Variants in GMDS observed in about 807,000 individuals in gnomAD.
The protein encoded by GMDS is GDP-mannose 4,6 dehydratase.
A neutral mutation model predicts 49.9 loss-of-function variants in GMDS; 20 were observed. The ratio of observed to expected loss-of-function variants is 0.40; its 90% CI spans 0.28 to 0.58. The LOEUF (loss-of-function observed/expected upper bound fraction) is 0.58, where lower values mean the gene tolerates loss of function less well. Ranked by LOEUF, GMDS falls within the 20% of genes least tolerant of loss-of-function variation. GMDS has a pLI of 0.42. For missense variants in GMDS, 362 were observed against 481.4 expected (o/e 0.75, Z 2.32); for synonymous variants, 177 against 178.6 (o/e 0.99, Z 0.07).
chr6:2,068,242 A>C (rs563530290), intron 4 of GMDS, among the ~76,000 whole-genome samples: 413 of 152,274 alleles, frequency 2.7e-3, no homozygotes, highest in African/African-American at 9.7e-3. Context: ...CTCCCAATAA[A>C]TTAGGTATTG....
chr6:1,718,250 G>A (rs1256416487), intron 9 of GMDS, among the ~76,000 whole-genome samples: 1 of 152,016 alleles, frequency 6.6e-6, no homozygotes, highest in Non-Finnish European at 1.5e-5. Flanking sequence ...CTCTACACTA[G>A]GCCTCCAGCT....
At chr6:2,209,287 G>A (rs1779951937) in intron 1 of GMDS, among the ~76,000 whole-genome samples, 1 of 152,202 alleles carries the variant, frequency 6.6e-6, no homozygotes, top group South Asian at 2.1e-4. Flanking sequence ...TACATACTGT[G>A]GGGGTAGAGG....
intron 6 of GMDS, among the ~76,000 whole-genome samples, chr6:1,942,755 G>A (rs146226338): frequency 6.6e-6 from 1 of 152,292 alleles, no homozygotes; most frequent in Non-Finnish European, 1.5e-5. Context: ...GGACGTTCCT[G>A]CCATTCCCAT....
In GMDS at chr6:2,156,018, T is replaced by C. The variant is rs1777095601; in HGVS notation, c.103-31287A>G. Reference sequence around the variant, plus strand: ...TTTTTACATTTATTAGACTTGACTATTAGGGTTACTTTTTTTAATGATTCC... The same window carrying C: ...TTTTTACATTTATTAGACTTGACTACTAGGGTTACTTTTTTTAATGATTCC... On this transcript the variant is annotated intron_variant, in intron 1 of 10. Transcript: ENST00000380815. Among the ~76,000 whole-genome samples, 6 of 152,158 alleles carry C rather than the reference T, an allele frequency of 3.9e-5. No homozygotes were observed. In the South Asian group the frequency reaches 1.2e-3, roughly 32 times the overall value.
intron 4 of GMDS, among the ~76,000 whole-genome samples, chr6:2,064,676 C>A (rs914368470): frequency 6.6e-6 from 1 of 152,120 alleles, no homozygotes; most frequent in Non-Finnish European, 1.5e-5. Context: ...TTACACTTCC[C>A]GACACAAGGC....
At chr6:1,914,466 CAAA>C (rs551319674) in intron 7 of GMDS, among the ~76,000 whole-genome samples, 4 of 104,246 alleles carry the variant, frequency 3.8e-5, no homozygotes, top group Non-Finnish European at 2.1e-5. Context: ...GACTCTGTCT[CAAA>C]AAAAAAAAAA....
intron 1 of GMDS, among the ~76,000 whole-genome samples, chr6:2,144,447 G>A (rs149298605): frequency 1.9e-4 from 29 of 152,332 alleles, no homozygotes; most frequent in Non-Finnish European, 3.5e-4. Context: ...AACAAGGCGG[G>A]GCAGGGTGAA....
At chr6:1,810,443 T>C (rs1158445660) in intron 7 of GMDS, among the ~76,000 whole-genome samples, 1 of 152,028 alleles carries the variant, frequency 6.6e-6, no homozygotes, top group Non-Finnish European at 1.5e-5. Flanking sequence ...CCACCACACC[T>C]GGCTAATTTT....
chr6:1,772,152 C>T (rs566630541), intron 7 of GMDS, among the ~76,000 whole-genome samples: 2 of 152,258 alleles, frequency 1.3e-5, no homozygotes, highest in Admixed American at 1.3e-4. Flanking sequence ...ATGCTATTTT[C>T]AGTTACTGTT....
intron 9 of GMDS, among the ~76,000 whole-genome samples, chr6:1,678,943 T>G (rs1377903663): frequency 2.6e-5 from 4 of 152,214 alleles, no homozygotes; most frequent in Non-Finnish European, 5.9e-5. Context: ...CATAGCACAT[T>G]CTGATATCTG....
chr6:2,165,246 A>G (rs1002800761), intron 1 of GMDS, among the ~76,000 whole-genome samples: 1 of 152,210 alleles, frequency 6.6e-6, no homozygotes, highest in Non-Finnish European at 1.5e-5. Flanking sequence ...AGAGACATAG[A>G]AACAGTATGA....
chr6:1,904,282 C>T (rs557142109), intron 7 of GMDS, among the ~76,000 whole-genome samples: 202 of 152,144 alleles, frequency 1.3e-3, no homozygotes, highest in African/African-American at 4.3e-3. Context: ...GGGTAGGAAG[C>T]CCCAGCCTTA....
At chr6:1,879,216 A>C (rs934345305) in intron 7 of GMDS, among the ~76,000 whole-genome samples, 1 of 152,276 alleles carries the variant, frequency 6.6e-6, no homozygotes. Context: ...AAATTAAGTA[A>C]AAATTAAAAT....
intron 6 of GMDS, among the ~76,000 whole-genome samples, chr6:1,944,235 T>G (rs2127265523): frequency 6.6e-6 from 1 of 152,068 alleles, no homozygotes; most frequent in Non-Finnish European, 1.5e-5. Flanking sequence ...AGCTGGGCGT[T>G]GGGGCTCATG....
At position 1,917,897 on chromosome 6, in the gene GMDS, T is replaced by G. The variant is rs1183592539; in HGVS notation, c.771+12206A>C. Among the ~76,000 whole-genome samples the G allele has an allele frequency of 3.3e-5, 5 of 152,296 alleles. No individual in the cohort carries two copies. In the East Asian group the frequency reaches 9.7e-4, roughly 29 times the overall value. The stretch of plus-strand genomic sequence containing the variant: ...AGAACAGGGATATGTCGTCTGAGCA[T>G]GTGGGTGATGTGCGACCAGGGAGGA... On this transcript the variant is annotated intron_variant, in intron 7 of 10. Transcript: ENST00000380815.
intron 4 of GMDS, among the ~76,000 whole-genome samples, chr6:2,028,346 T>C (rs1768731851): frequency 6.6e-6 from 1 of 152,222 alleles, no homozygotes; most frequent in South Asian, 2.1e-4. Context: ...AAACCCTAAA[T>C]CATTTAGCTT....
intron 4 of GMDS, among the ~76,000 whole-genome samples, chr6:2,100,429 A>G (rs73716944): frequency 0.031 from 4,704 of 152,160 alleles, 218 homozygotes; most frequent in African/African-American, 0.11. Flanking sequence ...AAACATTACA[A>G]CAATTAATAT....
intron 4 of GMDS, among the ~76,000 whole-genome samples, chr6:2,078,455 G>C (rs958881770): frequency 9.2e-5 from 14 of 151,990 alleles, no homozygotes; most frequent in African/African-American, 3.4e-4. Flanking sequence ...ACAGGTTTTG[G>C]TATGTTGTGT....
intron 4 of GMDS, among the ~76,000 whole-genome samples, chr6:2,070,039 C>T (rs1771888208): frequency 6.6e-6 from 1 of 150,826 alleles, no homozygotes; most frequent in Non-Finnish European, 1.5e-5. Context: ...CAATGATAGA[C>T]TGGATTAAGA....
Sources: gnomAD v4.1 joint callset for allele counts (sites outside exome capture counted in the v4.1 genomes callset) on GRCh38, gnomAD v4.1.1 for gene constraint, MANE v1.5 for transcripts, NCBI Gene and HGNC (gene_info 2026-07-23, HGNC 2026-07-21) for gene names.